TC2N: variants seen among roughly 807,000 people sequenced by gnomAD.
The protein encoded by TC2N is tandem C2 domains nuclear protein.
Under a neutral mutation model 61.9 loss-of-function variants are expected in TC2N, and 51 were observed. That is an observed-to-expected ratio of 0.82 (90% CI 0.66 to 1.04). TC2N has a LOEUF of 1.04. Ranked by LOEUF, TC2N falls within the 50% of genes least tolerant of loss-of-function variation. The pLI, the probability that TC2N is intolerant of heterozygous loss-of-function variation, is 0.00. For missense variants in TC2N, 556 were observed against 566.7 expected, an observed-to-expected ratio of 0.98 and a Z score of 0.19; for synonymous variants, 204 against 192.6, an observed-to-expected ratio of 1.06 and a Z score of -0.49.
intron 10 of TC2N, among the ~76,000 whole-genome samples, chr14:91,787,305 G>T (rs1347624875): frequency 6.6e-6 from 1 of 152,048 alleles, no homozygotes; most frequent in Non-Finnish European, 1.5e-5. Context: ...AGGCAGAGAG[G>T]TCATAACTGG....
chr14:91,786,087 G>A (rs28378458), intron 10 of TC2N, among the ~76,000 whole-genome samples: 4 of 152,108 alleles, frequency 2.6e-5, no homozygotes, highest in African/African-American at 9.7e-5. Context: ...AAGCAAGAAA[G>A]TGAGAACTCC....
At chr14:91,813,166 G>C (rs1886856126) in intron 2 of TC2N, among the ~76,000 whole-genome samples, 1 of 151,764 alleles carries the variant, frequency 6.6e-6, no homozygotes, top group Non-Finnish European at 1.5e-5. Context: ...CCAGAGAAGA[G>C]ATAAGGGAGC....
chr14:91,783,939 T>C (rs752490792), intron 11 of TC2N, among the ~76,000 whole-genome samples: 8 of 152,146 alleles, frequency 5.3e-5, no homozygotes, highest in Non-Finnish European at 7.4e-5. Flanking sequence ...CTTTTCTTTC[T>C]TGGTCTAAAG....
In TC2N at chr14:91,800,271, G is replaced by A; in HGVS notation, c.561+10C>T. 6.5e-7 allele frequency: 1 copy of A among 1,528,820 alleles called. No individual in the cohort carries two copies. The highest frequency in any genetic ancestry group is 2.3e-5 in the East Asian group (1 of 43,412). 94.7% of individuals were successfully genotyped at this position (1,528,820 alleles called of 1,614,324 possible). ...TATCACATATAATTAAATTTATGTAGATAATTCACCTGGATGAATCGCTGA... is the reference window on the plus strand; with the variant it reads ...TATCACATATAATTAAATTTATGTAAATAATTCACCTGGATGAATCGCTGA... On this transcript the variant is annotated intron_variant, in intron 5 of 11. Coordinates refer to ENST00000435962, the MANE Select transcript of TC2N (RefSeq NM_001128596.3).
intron 1 of TC2N, among the ~76,000 whole-genome samples, chr14:91,818,481 G>A (rs1466731603): frequency 6.6e-6 from 1 of 151,800 alleles, no homozygotes; most frequent in African/African-American, 2.4e-5. Context: ...AGCATTCAAG[G>A]TAAAACTCAC....
chr14:91,855,065 G>A (rs1888456740), intron 1 of TC2N, among the ~76,000 whole-genome samples: 1 of 152,152 alleles, frequency 6.6e-6, no homozygotes, highest in African/African-American at 2.4e-5. Context: ...GGAGTTTGGG[G>A]ACTGTGTAGA....
At chr14:91,828,070 G>A (rs1021731400) in intron 1 of TC2N, among the ~76,000 whole-genome samples, 15 of 151,862 alleles carry the variant, frequency 9.9e-5, no homozygotes, top group African/African-American at 3.6e-4. Context: ...ATTCTTTCTT[G>A]CATCGCCAAC....
intron 1 of TC2N, among the ~76,000 whole-genome samples, chr14:91,823,425 C>G (rs1887347979): frequency 6.6e-6 from 1 of 151,356 alleles, no homozygotes; most frequent in Middle Eastern, 3.4e-3. Context: ...GAGGCTGAGG[C>G]AGGAGAACCA....
chr14:91,807,385 G>A (rs539055514), intron 3 of TC2N, among the ~76,000 whole-genome samples: 56 of 152,210 alleles, frequency 3.7e-4, no homozygotes, highest in Non-Finnish European at 6.6e-4. Flanking sequence ...ACACCAGCCC[G>A]TGAAAGCAGC....
intron 1 of TC2N, among the ~76,000 whole-genome samples, chr14:91,857,410 C>T (rs774648364): frequency 6.6e-5 from 10 of 152,216 alleles, no homozygotes; most frequent in Non-Finnish European, 1.3e-4. Flanking sequence ...TCCCAGGAAC[C>T]GTTTATAAAC....
At position 91,780,905 on chromosome 14, in the gene TC2N, T is replaced by G. The variant is rs1468496188; in HGVS notation, c.*2195A>C. On this transcript the variant is annotated 3_prime_UTR_variant, in exon 12 of 12. Transcript: ENST00000435962. Reference sequence around the variant, plus strand: ...GAAAAAGGCTTAAGTAAACACTAATTAAAACATTTAGGATCTTAGTTGTAT... The same window carrying G: ...GAAAAAGGCTTAAGTAAACACTAATGAAAACATTTAGGATCTTAGTTGTAT... The G allele has an allele frequency of 6.8e-6, 1 of 148,110 alleles. No homozygotes were observed. Among genetic ancestry groups the G allele is most frequent in the East Asian group, 1.9e-4 (1 of 5,198 alleles). 9.2% of individuals were successfully genotyped at this position (148,110 alleles called of 1,614,324 possible).
chr14:91,863,046 G>A (rs920560943), intron 1 of TC2N, among the ~76,000 whole-genome samples: 1 of 152,220 alleles, frequency 6.6e-6, no homozygotes, highest in Non-Finnish European at 1.5e-5. Context: ...TGGCCCATAG[G>A]GCTGCTTCTT....
rs374217196 is a variant in TC2N, at chr14:91,821,931, G to T, written c.-56-8106C>A. On this transcript the variant is annotated intron_variant, in intron 1 of 11. Coordinates refer to ENST00000435962, the MANE Select transcript of TC2N (RefSeq NM_001128596.3). ...CAACACAGTTAGTGATTAGGAAAAT[G>T]CAAATTAAAACTATAAAAAGACAAC... 3.9e-4 allele frequency among the ~76,000 whole-genome samples: 59 copies of T among 152,218 alleles called. 1 individual carries two copies. Among genetic ancestry groups the T allele is most frequent in the African/African-American group, 1.3e-3 (52 of 41,556 alleles).
intron 1 of TC2N, among the ~76,000 whole-genome samples, chr14:91,830,073 G>A (rs1008756751): frequency 6.6e-6 from 1 of 152,076 alleles, no homozygotes; most frequent in Non-Finnish European, 1.5e-5. Context: ...AGAGAAACTG[G>A]AACCCTCATA....
At chr14:91,809,720 A>G (rs1051225441) in intron 3 of TC2N, among the ~76,000 whole-genome samples, 3 of 152,218 alleles carry the variant, frequency 2.0e-5, no homozygotes, top group Non-Finnish European at 4.4e-5. Context: ...ACCACAGGGT[A>G]CAGTTCAAGA....
chr14:91,862,339 CAAAAAAAAAAAAA>C (rs56816512), intron 1 of TC2N, among the ~76,000 whole-genome samples: 1 of 106,448 alleles, frequency 9.4e-6, no homozygotes, highest in Non-Finnish European at 2.0e-5. Context: ...GACTCTGTCT[CAAAAAAAAAAAAA>C]AAAAAAGAAA....
At chr14:91,806,053 G>A (rs1371530042) in intron 3 of TC2N, among the ~76,000 whole-genome samples, 1 of 152,134 alleles carries the variant, frequency 6.6e-6, no homozygotes, top group East Asian at 1.9e-4. Context: ...TAAGTCTCAA[G>A]AGATCTGATG....
At chr14:91,851,378 T>C (rs2139918357) in intron 1 of TC2N, among the ~76,000 whole-genome samples, 1 of 152,262 alleles carries the variant, frequency 6.6e-6, no homozygotes, top group East Asian at 1.9e-4. Context: ...AGCTGTAAAG[T>C]GAGTGGAATT....
chr14:91,787,369 A>G, intron 10 of TC2N, 144 bp downstream of exon 10: 3 of 540,602 alleles, frequency 5.5e-6, no homozygotes, highest in Non-Finnish European at 9.3e-6. Context: ...AAAATTTGAA[A>G]TCTTATAATT....
Sources: allele counts gnomAD v4.1 joint callset (sites outside exome capture counted in the v4.1 genomes callset), GRCh38; gene constraint gnomAD v4.1.1; transcripts MANE v1.5; gene names NCBI Gene and HGNC (gene_info 2026-07-23, HGNC 2026-07-21).